The following PTPRM variants were observed in gnomAD, a reference collection of about 807,000 sequenced individuals.
The protein encoded by PTPRM is protein tyrosine phosphatase receptor type M.
In PTPRM, 47 loss-of-function variants were observed where a neutral mutation model predicts 186.7. That is an observed-to-expected ratio of 0.25 (90% CI 0.20 to 0.32). The LOEUF is 0.32. PTPRM is among the 10% of genes least tolerant of loss of function. PTPRM has a pLI of 1.00. For missense variants in PTPRM, 1,494 were observed against 1,865.0 expected (o/e 0.80, Z 3.66); for synonymous variants, 668 against 674.9 (o/e 0.99, Z 0.16).
At chr18:8,050,502 A>C (rs886273072) in intron 7 of PTPRM, among the ~76,000 whole-genome samples, 2 of 151,698 alleles carry the variant, frequency 1.3e-5, no homozygotes, top group Admixed American at 6.6e-5. Context: ...AAAAAAAAAA[A>C]CCCTCCATAC....
intron 14 of PTPRM, among the ~76,000 whole-genome samples, chr18:8,228,013 C>T (rs2094236069): frequency 6.6e-6 from 1 of 152,206 alleles, no homozygotes. Flanking sequence ...ACAGATACTA[C>T]ATCTATTATT....
At chr18:7,651,457 CA>C (rs1568005926) in intron 1 of PTPRM, among the ~76,000 whole-genome samples, 1 of 151,984 alleles carries the variant, frequency 6.6e-6, no homozygotes, top group Non-Finnish European at 1.5e-5. Context: ...AATCCTAAGC[CA>C]AAAGAACAAA....
chr18:8,316,661 G>A (rs1359256662), intron 21 of PTPRM, among the ~76,000 whole-genome samples: 2 of 152,202 alleles, frequency 1.3e-5, no homozygotes, highest in Non-Finnish European at 1.5e-5. Context: ...TGGAGCTGCT[G>A]TTCTAATTAG....
chr18:7,803,739 A>G lies in PTPRM; in HGVS notation c.196+29468A>G, dbSNP rs138742682. On this transcript the variant is annotated intron_variant, in intron 2 of 32. Transcript: ENST00000580170. ...ATTCTAAGGAAAATGAGGGGCTGTT[A>G]AAGAATGATATTAATGTAATTAGAT... Among the ~76,000 whole-genome samples, 733 of 152,302 alleles carry G rather than the reference A, an allele frequency of 4.8e-3. 10 individuals carry two copies. The highest frequency in any genetic ancestry group is 0.016 in the African/African-American group (674 of 41,558).
intron 1 of PTPRM, among the ~76,000 whole-genome samples, chr18:7,654,631 A>G (rs374374289): frequency 3.3e-5 from 5 of 151,890 alleles, no homozygotes; most frequent in African/African-American, 1.2e-4. Context: ...TTAGCATAGT[A>G]TGTAGAGAAG....
In PTPRM at chr18:7,834,528, A is replaced by ACT. The variant is rs1555613462; in HGVS notation, c.197-53577_197-53576dup. On this transcript the variant is annotated intron_variant, in intron 2 of 32. Transcript: ENST00000580170. The stretch of plus-strand genomic sequence containing the variant: ...CACACACACACACACACACACACAC[A>ACT]CTTCCAGACTCATTCTTTCAGGTCA... Among the ~76,000 whole-genome samples the ACT allele has an allele frequency of 1.2e-4, 17 of 146,240 alleles. No individual in the cohort carries two copies. The East Asian group carries it at 2.2e-3, about 19-fold the overall frequency.
intron 1 of PTPRM, among the ~76,000 whole-genome samples, chr18:7,702,713 C>T (rs1453444586): frequency 1.3e-5 from 2 of 152,154 alleles, no homozygotes; most frequent in African/African-American, 4.8e-5. Flanking sequence ...TCCCATTTGT[C>T]GATTTTGGCA....
chr18:8,072,825 A>C (rs2148460094), intron 8 of PTPRM, among the ~76,000 whole-genome samples: 1 of 152,276 alleles, frequency 6.6e-6, no homozygotes, highest in African/African-American at 2.4e-5. Flanking sequence ...GAATTCCCAG[A>C]GCTTCTAAAA....
At chr18:7,870,421 A>G (rs1047568211) in intron 2 of PTPRM, among the ~76,000 whole-genome samples, 1 of 152,088 alleles carries the variant, frequency 6.6e-6, no homozygotes, top group East Asian at 1.9e-4. Context: ...TGAATTTCTG[A>G]AGGTGTAGAT....
chr18:7,788,127 A>T (rs1029005495), intron 2 of PTPRM, among the ~76,000 whole-genome samples: 1 of 152,184 alleles, frequency 6.6e-6, no homozygotes, highest in African/African-American at 2.4e-5. Context: ...AGAAGTTGAG[A>T]AGGAAAAGAA....
At chr18:8,133,783 A>G (rs2092571669) in intron 13 of PTPRM, among the ~76,000 whole-genome samples, 1 of 152,110 alleles carries the variant, frequency 6.6e-6, no homozygotes, top group South Asian at 2.1e-4. Flanking sequence ...TTTTGAAATA[A>G]TCATTTAGAA....
intron 2 of PTPRM, among the ~76,000 whole-genome samples, chr18:7,877,248 G>A (rs2048291864): frequency 6.6e-6 from 1 of 151,960 alleles, no homozygotes; most frequent in Admixed American, 6.6e-5. Flanking sequence ...ATCACACTAG[G>A]AGATTTTTCA....
chr18:8,212,098 T>TA (rs564031002), intron 14 of PTPRM, among the ~76,000 whole-genome samples: 2,225 of 150,762 alleles, frequency 0.015, 48 homozygotes, highest in African/African-American at 0.051. Flanking sequence ...TGGGCAAAGA[T>TA]AAAAAAAAAG....
At chr18:7,798,051 G>T (rs951097977) in intron 2 of PTPRM, among the ~76,000 whole-genome samples, 4 of 152,172 alleles carry the variant, frequency 2.6e-5, no homozygotes, top group African/African-American at 9.7e-5. Context: ...TGGTCTGCTG[G>T]TGATAGGTAC....
chr18:7,988,696 A>G (rs1436830130), intron 7 of PTPRM, among the ~76,000 whole-genome samples: 1 of 152,184 alleles, frequency 6.6e-6, no homozygotes, highest in African/African-American at 2.4e-5. Context: ...TTCAACAAGC[A>G]TGATATTTTC....
chr18:7,716,185 A>T (rs192808844), intron 1 of PTPRM, among the ~76,000 whole-genome samples: 1 of 152,282 alleles, frequency 6.6e-6, no homozygotes, highest in Non-Finnish European at 1.5e-5. Flanking sequence ...GGAACAGAAC[A>T]GAGGCCTCAG....
At chr18:8,255,135 T>G (rs2094562843) in intron 19 of PTPRM, among the ~76,000 whole-genome samples, 1 of 152,248 alleles carries the variant, frequency 6.6e-6, no homozygotes, top group African/African-American at 2.4e-5. Flanking sequence ...AGAGTAAGAC[T>G]TCCAAAAGCT....
intron 5 of PTPRM, among the ~76,000 whole-genome samples, chr18:7,929,647 G>A (rs1261048094): frequency 6.6e-5 from 10 of 152,180 alleles, no homozygotes; most frequent in African/African-American, 2.4e-4. Context: ...TATGAAATAA[G>A]ACCCGTGTCC....
intron 9 of PTPRM, among the ~76,000 whole-genome samples, chr18:8,077,878 G>A (rs2089914071): frequency 6.6e-6 from 1 of 152,122 alleles, no homozygotes; most frequent in African/African-American, 2.4e-5. Context: ...ATATATCTCT[G>A]TGTGGTAAGT....
Sources: allele counts gnomAD v4.1 joint callset (sites outside exome capture counted in the v4.1 genomes callset), GRCh38; gene constraint gnomAD v4.1.1; transcripts MANE v1.5; gene names NCBI Gene and HGNC (gene_info 2026-07-23, HGNC 2026-07-21).